SMPDL3A: variants seen among roughly 807,000 people sequenced by gnomAD.
SMPDL3A encodes sphingomyelin phosphodiesterase acid like 3A.
In SMPDL3A, 39 loss-of-function variants were observed where a neutral mutation model predicts 38.5. That is an observed-to-expected ratio of 1.01 (90% CI 0.78 to 1.32). SMPDL3A has a LOEUF of 1.32. Among genes scored for constraint, SMPDL3A ranks in the 40% most tolerant of loss-of-function variants. The pLI, the probability that SMPDL3A is intolerant of heterozygous loss-of-function variation, is 0.00. For missense variants in SMPDL3A, 502 were observed against 536.2 expected (o/e 0.94, Z 0.63); for synonymous variants, 180 against 194.3 (o/e 0.93, Z 0.61).
chr6:122,795,634 A>G (rs1781220354), intron 1 of SMPDL3A, 43 bp from the exon 2 acceptor site: 3 of 1,444,188 alleles, frequency 2.1e-6, no homozygotes, highest in African/African-American at 1.4e-5. Flanking sequence ...GAATTCCAAA[A>G]GAGAACAAGT....
chr6:122,789,557 G>A, intron 1 of SMPDL3A, 99 bp downstream of exon 1: 4 of 1,111,364 alleles, frequency 3.6e-6, no homozygotes, highest in Non-Finnish European at 2.6e-6. Flanking sequence ...AGCTGCCCCC[G>A]GCAGAGGCTC....
intron 7 of SMPDL3A, among the ~76,000 whole-genome samples, chr6:122,807,346 A>G: frequency 6.6e-6 from 1 of 152,138 alleles, no homozygotes; most frequent in East Asian, 1.9e-4. Context: ...AAAATACAAA[A>G]AAGTTAGCTC....
Position 122,789,412 on chromosome 6 carries a change from G to C in SMPDL3A, c.66G>C (p.Gly22=). Residue 22 remains glycine, a synonymous_variant, in exon 1 of 8, where the codon GGG becomes GGC. Coordinates refer to ENST00000368440, the MANE Select transcript of SMPDL3A (RefSeq NM_006714.5). ...LTAWHCRSGL[G]LPVAPAGGRN... is the part of the protein sequence containing the mutation. ...CCTGGCACTGCCGCTCCGGCCTCGG[G>C]CTGCCCGTGGCGCCCGCAGGCGGCA... 4 of 1,549,378 alleles carry C rather than the reference G, an allele frequency of 2.6e-6. No homozygotes were observed. The highest frequency in any genetic ancestry group is 3.5e-6 in the Non-Finnish European group (4 of 1,146,376).
rs1197459570 is a variant in SMPDL3A at position 122,803,794 on chromosome 6, A to G, written c.699A>G (p.Leu233=). 6.2e-7 allele frequency: 1 copy of G among 1,613,986 alleles called. No individual in the cohort carries two copies. The highest frequency in any genetic ancestry group is 8.5e-7 in the Non-Finnish European group (1 of 1,180,016). The part of the protein sequence containing the change: ...KTDPANQFEW[L]ESTLNNSQQN... The stretch of plus-strand genomic sequence containing the variant: ...ACCCAGCCAACCAGTTTGAATGGCT[A>G]GAAAGTACATTGAACAACTCTCAGC... Residue 233 remains leucine (L), a synonymous_variant, in exon 5 of 8, where the codon CTA becomes CTG. Transcript: ENST00000368440.
rs1781560420 is a variant in SMPDL3A, at chr6:122,805,064, C to A, written c.894C>A (p.Ser298Arg). ...GQFYGHTHRD[S>R]IMVLSDKKGS... ...TTTATGGACACACTCACAGAGACAGCATTATGGTTCTTTCAGATAAAAAAG... is the reference window on the plus strand; with the variant it reads ...TTTATGGACACACTCACAGAGACAGAATTATGGTTCTTTCAGATAAAAAAG... The change falls in exon 6 of 8, where the codon AGC becomes AGA. Residue 298 changes from serine to arginine, a missense_variant. Transcript: ENST00000368440. 6 of 1,605,166 alleles carry A rather than the reference C, an allele frequency of 3.7e-6. No homozygotes were observed. The highest frequency in any genetic ancestry group is 3.4e-5 in the Admixed American group (2 of 58,128).
chr6:122,799,011 T>C (rs1464129419), intron 3 of SMPDL3A, among the ~76,000 whole-genome samples: 2 of 152,236 alleles, frequency 1.3e-5, no homozygotes, highest in African/African-American at 4.8e-5. Flanking sequence ...TCTTAGAGGC[T>C]GATGTCTGAG....
rs370395509 is a variant in SMPDL3A at position 122,789,417 on chromosome 6, C to T, written c.71C>T (p.Pro24Leu). The T allele has an allele frequency of 3.8e-5, 59 of 1,549,432 alleles. 4 individuals carry two copies. The Admixed American group carries it at 4.9e-4, about 13-fold the overall frequency. Residue 24 changes from proline to leucine, a missense_variant, in exon 1 of 8, where the codon CCC becomes CTC. Pro to Leu is a moderately conservative substitution (Grantham distance 98). Transcript: ENST00000368440. ...AWHCRSGLGL[P>L]VAPAGGRNPP... is the part of the protein sequence containing the mutation. ...CACTGCCGCTCCGGCCTCGGGCTGC[C>T]CGTGGCGCCCGCAGGCGGCAGGAAT...
chr6:122,795,653 C>T, intron 1 of SMPDL3A, 24 bp from the exon 2 acceptor site: 1 of 1,553,488 alleles, frequency 6.4e-7, no homozygotes, highest in Non-Finnish European at 8.9e-7. Flanking sequence ...GTAGATTTAT[C>T]TGCATTTTTT....
At chr6:122,805,164 T>C in intron 6 of SMPDL3A, 75 bp downstream of exon 6, 1 of 1,263,266 alleles carries the variant, frequency 7.9e-7, no homozygotes, top group Non-Finnish European at 1.1e-6. Flanking sequence ...GTAAATTTGC[T>C]GATTTAGTAA....
At chr6:122,803,953 A>T in intron 5 of SMPDL3A, 120 bp downstream of exon 5, 1 of 795,912 alleles carries the variant, frequency 1.3e-6, no homozygotes, top group Non-Finnish European at 2.0e-6. Flanking sequence ...TTTTTTTTGC[A>T]TAAACACTTT....
chr6:122,797,950 A>G (rs1781305330), intron 3 of SMPDL3A, among the ~76,000 whole-genome samples: 2 of 152,062 alleles, frequency 1.3e-5, no homozygotes, highest in Non-Finnish European at 2.9e-5. Context: ...TTTACCTCAG[A>G]TCTGTGTTCG....
chr6:122,804,780 G>C, intron 5 of SMPDL3A, 129 bp from the exon 6 acceptor site: 1 of 711,254 alleles, frequency 1.4e-6, no homozygotes, highest in South Asian at 2.0e-5. Flanking sequence ...CTTATAAATA[G>C]AAGAGATGAT....
intron 5 of SMPDL3A, 141 bp downstream of exon 5, chr6:122,803,974 G>T: frequency 1.6e-6 from 1 of 625,640 alleles, no homozygotes; most frequent in Non-Finnish European, 2.6e-6. Flanking sequence ...ACAACTCATG[G>T]ATTTTCTTTC....
At chr6:122,803,265 T>A (rs978178432) in intron 4 of SMPDL3A, among the ~76,000 whole-genome samples, 5 of 152,260 alleles carry the variant, frequency 3.3e-5, no homozygotes, top group African/African-American at 1.2e-4. Context: ...AAGATCCATA[T>A]GTGTTACCAT....
At chr6:122,801,494 C>CTCCAGAAGTGGCA in intron 4 of SMPDL3A, 88 bp downstream of exon 4, 2 of 928,980 alleles carry the variant, frequency 2.2e-6, no homozygotes, top group Non-Finnish European at 3.5e-6. Flanking sequence ...CTTGAGTGTG[C>CTCCAGAAGTGGCA]CACTTCTGGA....
chr6:122,795,302 T>C lies in SMPDL3A; in HGVS notation c.113-375T>C, dbSNP rs192672166. Among the ~76,000 whole-genome samples, 170 of 152,228 alleles carry C rather than the reference T, an allele frequency of 1.1e-3. 1 individual carries two copies. Among genetic ancestry groups the C allele is most frequent in the African/African-American group, 3.9e-3 (164 of 41,556 alleles). ...GATTACAGGCGTGTGCCACCACACTTGGCTAATTTTTTATATTTTTGGTAG... is the reference window on the plus strand; with the variant it reads ...GATTACAGGCGTGTGCCACCACACTCGGCTAATTTTTTATATTTTTGGTAG... On this transcript the variant is annotated intron_variant, in intron 1 of 7. Coordinates refer to ENST00000368440, the MANE Select transcript of SMPDL3A (RefSeq NM_006714.5).
intron 4 of SMPDL3A, among the ~76,000 whole-genome samples, chr6:122,802,510 G>A (rs1370338896): frequency 6.6e-6 from 1 of 152,060 alleles, no homozygotes; most frequent in Non-Finnish European, 1.5e-5. Context: ...CCTATGTCTA[G>A]TCTTACACTT....
At chr6:122,792,946 T>A (rs1419508680) in intron 1 of SMPDL3A, among the ~76,000 whole-genome samples, 1 of 152,180 alleles carries the variant, frequency 6.6e-6, no homozygotes, top group Non-Finnish European at 1.5e-5. Flanking sequence ...AGAGGAATTG[T>A]ATGTGGATAA....
intron 7 of SMPDL3A, among the ~76,000 whole-genome samples, chr6:122,806,784 G>T (rs1781637301): frequency 1.3e-5 from 2 of 152,072 alleles, no homozygotes; most frequent in Admixed American, 6.5e-5. Flanking sequence ...CATGAAATGG[G>T]AATTAAAATA....
Sources: allele counts gnomAD v4.1 joint callset (sites outside exome capture counted in the v4.1 genomes callset), GRCh38; gene constraint gnomAD v4.1.1; transcripts MANE v1.5; gene names NCBI Gene and HGNC (gene_info 2026-07-23, HGNC 2026-07-21).